Variants in PTPRD observed in about 807,000 individuals in gnomAD.
PTPRD encodes the protein protein tyrosine phosphatase receptor type D.
Under a neutral mutation model 214.5 loss-of-function variants are expected in PTPRD, and 34 were observed. The ratio of observed to expected loss-of-function variants is 0.16; its 90% CI spans 0.12 to 0.21. The LOEUF is 0.21. PTPRD is among the 10% of genes least tolerant of loss of function. PTPRD has a pLI of 1.00. For synonymous variants in PTPRD, 1,128 were observed against 845.7 expected, an observed-to-expected ratio of 1.33 and a Z score of -5.79; for missense variants, 2,545 against 2,398.7, an observed-to-expected ratio of 1.06 and a Z score of -1.27.
chr9:9,358,812 G>A (rs2054860281), intron 9 of PTPRD, among the ~76,000 whole-genome samples: 1 of 151,250 alleles, frequency 6.6e-6, no homozygotes, highest in African/African-American at 2.4e-5. Context: ...ACGTCATTAA[G>A]CTGCTTGTTT....
chr9:9,146,329 G>A (rs1353020459), intron 10 of PTPRD, among the ~76,000 whole-genome samples: 1 of 152,160 alleles, frequency 6.6e-6, no homozygotes, highest in South Asian at 2.1e-4. Context: ...GTTTCTCAAA[G>A]TGTGATTTAT....
At chr9:9,446,878 AG>A (rs2090591236) in intron 8 of PTPRD, among the ~76,000 whole-genome samples, 1 of 152,216 alleles carries the variant, frequency 6.6e-6, no homozygotes, top group African/African-American at 2.4e-5. Context: ...ACTTTTCAAA[AG>A]AAGACATACA....
chr9:8,807,026 G>A (rs965853825), intron 11 of PTPRD, among the ~76,000 whole-genome samples: 2 of 152,108 alleles, frequency 1.3e-5, no homozygotes, highest in African/African-American at 4.8e-5. Context: ...TAAGAGAATA[G>A]CTGCTGATAC....
chr9:8,968,346 G>A, intron 11 of PTPRD, among the ~76,000 whole-genome samples: 1 of 151,954 alleles, frequency 6.6e-6, no homozygotes. Context: ...TTCCACAATG[G>A]TTGAACTAGT....
intron 5 of PTPRD, among the ~76,000 whole-genome samples, chr9:9,823,421 T>A (rs1411170481): frequency 6.6e-6 from 1 of 152,084 alleles, no homozygotes; most frequent in African/African-American, 2.4e-5. Context: ...TGGAGGGATC[T>A]GTCCCCATGA....
At chr9:10,569,195 G>T (rs1291618214) in intron 2 of PTPRD, among the ~76,000 whole-genome samples, 2 of 152,094 alleles carry the variant, frequency 1.3e-5, no homozygotes, top group East Asian at 3.9e-4. Context: ...GGCCATCAGA[G>T]AAATGCAAAT....
intron 11 of PTPRD, among the ~76,000 whole-genome samples, chr9:8,975,025 A>G (rs2099260485): frequency 6.7e-6 from 1 of 150,076 alleles, no homozygotes; most frequent in African/African-American, 2.5e-5. Context: ...TGAACCTGGG[A>G]AGTGGAGATT....
chr9:8,853,221 T>C (rs2097852197), intron 11 of PTPRD, among the ~76,000 whole-genome samples: 1 of 152,202 alleles, frequency 6.6e-6, no homozygotes, highest in African/African-American at 2.4e-5. Context: ...TTAGGTTACA[T>C]TAAGTCAGAC....
intron 11 of PTPRD, among the ~76,000 whole-genome samples, chr9:8,980,715 T>C (rs1483016361): frequency 6.6e-6 from 1 of 152,074 alleles, no homozygotes; most frequent in Non-Finnish European, 1.5e-5. Flanking sequence ...CATAAATATA[T>C]GTAGCCCCAA....
At position 10,074,269 on chromosome 9, in the gene PTPRD, T is replaced by C. The variant is rs115862072; in HGVS notation, c.-544-40479A>G. ...TATTTCTCATCTCTGCAGGCTCCTA[T>C]AGTGGCCTGAGAATGTTTAGATAAC... On this transcript the variant is annotated intron_variant, in intron 3 of 45. Transcript: ENST00000381196. Among the ~76,000 whole-genome samples the C allele has an allele frequency of 5.9e-3, 905 of 152,224 alleles. 16 individuals are homozygous for C. The highest frequency in any genetic ancestry group is 0.021 in the African/African-American group (852 of 41,556).
intron 6 of PTPRD, among the ~76,000 whole-genome samples, chr9:9,758,184 CTTT>C (rs34736489): frequency 5.6e-5 from 8 of 144,134 alleles, no homozygotes; most frequent in Non-Finnish European, 1.2e-4. Flanking sequence ...CCTTAGCAGA[CTTT>C]TTTTTTTATT....
chr9:10,361,620 AC>A (rs1229394201), intron 2 of PTPRD, among the ~76,000 whole-genome samples: 1 of 152,146 alleles, frequency 6.6e-6, no homozygotes, highest in Non-Finnish European at 1.5e-5. Flanking sequence ...ATTAATTGAT[AC>A]CCATTTCTAC....
At chr9:9,589,164 G>A (rs1193233568) in intron 7 of PTPRD, among the ~76,000 whole-genome samples, 3 of 151,828 alleles carry the variant, frequency 2.0e-5, no homozygotes, top group African/African-American at 7.2e-5. Context: ...GTGTATTAGT[G>A]AAAACCAATA....
At chr9:9,090,975 T>A in intron 10 of PTPRD, 1 of 1,576,868 alleles carries the variant, frequency 6.3e-7, no homozygotes, top group Non-Finnish European at 8.6e-7. Context: ...GCACTAACTG[T>A]GCCCGATGCA....
chr9:9,368,611 C>T (rs111598503), intron 9 of PTPRD, among the ~76,000 whole-genome samples: 5 of 151,744 alleles, frequency 3.3e-5, no homozygotes, highest in African/African-American at 1.2e-4. Flanking sequence ...CTTAAATGTC[C>T]CACTCTTAGG....
chr9:10,586,497 A>C (rs1489237677), intron 2 of PTPRD, among the ~76,000 whole-genome samples: 1 of 152,098 alleles, frequency 6.6e-6, no homozygotes, highest in African/African-American at 2.4e-5. Flanking sequence ...AATTGCATGG[A>C]AATTCTCTAT....
At chr9:10,205,745 A>G (rs745896079) in intron 3 of PTPRD, among the ~76,000 whole-genome samples, 2 of 152,172 alleles carry the variant, frequency 1.3e-5, no homozygotes, top group Non-Finnish European at 2.9e-5. Context: ...GTCATTGGTA[A>G]TTGATTTGAA....
At chr9:8,605,040 T>G (rs1473438159) in intron 14 of PTPRD, among the ~76,000 whole-genome samples, 1 of 152,332 alleles carries the variant, frequency 6.6e-6, no homozygotes, top group Middle Eastern at 3.4e-3. Context: ...TGCCATCTTT[T>G]AATCTATTAG....
At chr9:9,817,118 G>T (rs75679150) in intron 5 of PTPRD, among the ~76,000 whole-genome samples, 5 of 151,976 alleles carry the variant, frequency 3.3e-5, no homozygotes, top group South Asian at 4.1e-4. Flanking sequence ...TTGCCTGAAG[G>T]CTGGCTCAAA....
Sources: gnomAD v4.1 joint callset for allele counts (sites outside exome capture counted in the v4.1 genomes callset) on GRCh38, gnomAD v4.1.1 for gene constraint, MANE v1.5 for transcripts, NCBI Gene and HGNC (gene_info 2026-07-23, HGNC 2026-07-21) for gene names.